LOXHD1: variants seen among roughly 807,000 people sequenced by gnomAD.
LOXHD1 encodes lipoxygenase homology domain-containing protein 1.
A neutral mutation model predicts 248.2 loss-of-function variants in LOXHD1; 205 were observed. The ratio of observed to expected loss-of-function variants is 0.83; its 90% CI spans 0.74 to 0.93. The LOEUF is 0.93. Ranked by LOEUF, LOXHD1 falls within the 40% of genes least tolerant of loss-of-function variation. The pLI is 0.00. For synonymous variants in LOXHD1, 1,113 were observed against 1,162.8 expected, an observed-to-expected ratio of 0.96 and a Z score of 0.87; for missense variants, 2,930 against 2,971.6, an observed-to-expected ratio of 0.99 and a Z score of 0.33.
At chr18:46,559,719 T>C in intron 19 of LOXHD1, 117 bp from the exon 20 acceptor site, 3 of 1,161,008 alleles carry the variant, frequency 2.6e-6, no homozygotes, top group Non-Finnish European at 3.6e-6. Context: ...CAGATGCATC[T>C]ACACTAACCT....
intron 12 of LOXHD1, among the ~76,000 whole-genome samples, chr18:46,585,529 G>T (rs1474961912): frequency 1.3e-5 from 2 of 152,020 alleles, no homozygotes; most frequent in East Asian, 3.8e-4. Flanking sequence ...AAATATTTTT[G>T]AAAGAAAATA....
chr18:46,537,656 C>G (rs1568154972), intron 26 of LOXHD1, among the ~76,000 whole-genome samples: 1 of 152,208 alleles, frequency 6.6e-6, no homozygotes. Context: ...AACAGCACCT[C>G]CATTGTCAAG....
Position 46,560,363 on chromosome 18 carries a change from G to T in LOXHD1, c.2781C>A (p.Leu927=). 1.3e-6 allele frequency: 2 copies of T among 1,552,540 alleles called. No homozygotes were observed. Among genetic ancestry groups the T allele is most frequent in the South Asian group, 1.2e-5 (1 of 84,102 alleles). The change falls in exon 19 of 41, where the codon CTC becomes CTA. Residue 927 remains leucine, a synonymous_variant. Transcript: ENST00000642948. ...GCTTGGCCTTCAGCCGCTCCTTCTTGAGCAGCTGCCGCAGCTTGTCCTTCT... is the reference window on the plus strand; with the variant it reads ...GCTTGGCCTTCAGCCGCTCCTTCTTTAGCAGCTGCCGCAGCTTGTCCTTCT... ...KKEKDKLRQL[L]KKERLKAKLQ...
rs780183483 is a variant in LOXHD1 at position 46,601,403 on chromosome 18, G to C, written c.948C>G (p.Ile316Met). ...DVRGAGTKSKIYLVMYGARGN... is the reference protein window; with the variant it reads ...DVRGAGTKSKMYLVMYGARGN... Reference sequence around the variant, plus strand: ...CTCTGGCCCCATACATGACCAAGTAGATTTTGGATTTGGTACCAGCCCCCC... The same window carrying C: ...CTCTGGCCCCATACATGACCAAGTACATTTTGGATTTGGTACCAGCCCCCC... The change falls in exon 8 of 41, where the codon ATC (isoleucine) becomes ATG (methionine). Residue 316 changes from isoleucine to methionine, a missense_variant. Physicochemically the swap from Ile to Met is conservative, Grantham distance 10. Transcript: ENST00000642948. 1.9e-6 allele frequency: 3 copies of C among 1,551,734 alleles called. No homozygotes were observed. In the South Asian group the frequency reaches 3.6e-5, roughly 18 times the overall value.
At chr18:46,586,693 C>T (rs2038068072) in intron 12 of LOXHD1, among the ~76,000 whole-genome samples, 2 of 152,190 alleles carry the variant, frequency 1.3e-5, no homozygotes, top group Non-Finnish European at 2.9e-5. Context: ...GATGATCCAC[C>T]CATCTTGGAC....
chr18:46,538,008 G>T, intron 26 of LOXHD1, 148 bp downstream of exon 26: 1 of 671,818 alleles, frequency 1.5e-6, no homozygotes, highest in Non-Finnish European at 2.4e-6. Flanking sequence ...ATGTACTGAG[G>T]CCCAGGAAGG....
chr18:46,612,810 A>G (rs2038528106), intron 5 of LOXHD1, among the ~76,000 whole-genome samples: 1 of 152,152 alleles, frequency 6.6e-6, no homozygotes. Context: ...ATTTAATTTT[A>G]TCATTTTTCA....
intron 5 of LOXHD1, among the ~76,000 whole-genome samples, chr18:46,615,827 C>T (rs2144322968): frequency 6.6e-6 from 1 of 152,128 alleles, no homozygotes; most frequent in Admixed American, 6.5e-5. Flanking sequence ...TGCCAAATTC[C>T]TCCAAGAATT....
chr18:46,634,279 A>G (rs554076666), intron 4 of LOXHD1, among the ~76,000 whole-genome samples: 1 of 152,364 alleles, frequency 6.6e-6, no homozygotes, highest in East Asian at 1.9e-4. Flanking sequence ...GTGCCATAGC[A>G]TGGATTAAAT....
At chr18:46,540,789 C>T (rs1192122537) in intron 25 of LOXHD1, among the ~76,000 whole-genome samples, 3 of 150,472 alleles carry the variant, frequency 2.0e-5, no homozygotes, top group Non-Finnish European at 2.9e-5. Flanking sequence ...AGTCTGTCCT[C>T]GCCTGCAGGT....
rs1299634769 is a variant in LOXHD1, at chr18:46,545,332, T to C, written c.3604A>G (p.Thr1202Ala). The C allele has an allele frequency of 1.3e-6, 2 of 1,551,602 alleles. No homozygotes were observed. Among genetic ancestry groups the C allele is most frequent in the East Asian group, 4.9e-5 (2 of 40,926 alleles). Residue 1202 changes from threonine (T) to alanine (A), a missense_variant, in exon 23 of 41, where the codon ACA becomes GCA. Physicochemically the swap from Thr to Ala is moderately conservative, Grantham distance 58 (BLOSUM62 0). Coordinates refer to ENST00000642948, the MANE Select transcript of LOXHD1 (RefSeq NM_001384474.1). ...DANVFITLFG[T>A]QDDTGMTLLK... Reference sequence around the variant, plus strand: ...GCTTTCTTACCAGTGTCATCCTGTGTGCCAAAGAGTGTGATGAAGACATTA... The same window carrying C: ...GCTTTCTTACCAGTGTCATCCTGTGCGCCAAAGAGTGTGATGAAGACATTA...
At chr18:46,601,528 C>A in intron 7 of LOXHD1, 61 bp from the exon 8 acceptor site, 1 of 1,549,868 alleles carries the variant, frequency 6.5e-7, no homozygotes, top group Non-Finnish European at 8.7e-7. Context: ...ATATCCCACC[C>A]CCTCCTCCCC....
intron 28 of LOXHD1, among the ~76,000 whole-genome samples, chr18:46,531,516 T>C (rs1226806539): frequency 3.9e-5 from 6 of 152,168 alleles, no homozygotes; most frequent in African/African-American, 1.4e-4. Flanking sequence ...TCTAGGAGCC[T>C]GTGTCCCAGA....
In LOXHD1 at chr18:46,607,633, A is replaced by G. The variant is rs142807343; in HGVS notation, c.759+3143T>C. Among the ~76,000 whole-genome samples the G allele has an allele frequency of 2.9e-3, 445 of 152,100 alleles. 13 individuals carry two copies. The highest frequency in any genetic ancestry group is 0.026 in the Admixed American group (395 of 15,268). ...AAATGTTTTATGATGAACATGTATT[A>G]GTTTTATAAGAAAAAATAATTAAAA... On this transcript the variant is annotated intron_variant, in intron 6 of 40. Coordinates refer to ENST00000642948, the MANE Select transcript of LOXHD1 (RefSeq NM_001384474.1).
intron 29 of LOXHD1, among the ~76,000 whole-genome samples, chr18:46,525,590 A>G (rs1207604782): frequency 1.3e-5 from 2 of 152,132 alleles, no homozygotes; most frequent in African/African-American, 4.8e-5. Flanking sequence ...TCAAGTGGAC[A>G]TTCCACTCTT....
chr18:46,526,561 A>T lies in LOXHD1; in HGVS notation c.4531-1644T>A, dbSNP rs562647862. On this transcript the variant is annotated intron_variant, in intron 29 of 40. Transcript: ENST00000642948. ...AGAAGAGAGGGTGGGGCATGCTGGA[A>T]ACTGCACTCAGTGGTCTACAGAGGG... is the stretch of plus-strand genomic sequence containing the variant. Among the ~76,000 whole-genome samples, 15 of 152,344 alleles carry T rather than the reference A, an allele frequency of 9.8e-5. No homozygotes were observed. The South Asian group carries it at 3.1e-3, about 32-fold the overall frequency.
intron 5 of LOXHD1, 125 bp from the exon 6 acceptor site, chr18:46,611,049 C>G: frequency 2.7e-6 from 3 of 1,097,318 alleles, no homozygotes; most frequent in Non-Finnish European, 3.9e-6. Context: ...CTCCTGAGAT[C>G]TAAGGGCTCC....
chr18:46,482,932 C>A (rs888673057), intron 40 of LOXHD1, among the ~76,000 whole-genome samples: 4 of 152,210 alleles, frequency 2.6e-5, no homozygotes, highest in African/African-American at 9.7e-5. Flanking sequence ...GGCTCCTTCT[C>A]AGCACCTTTC....
rs114359039 is a variant in LOXHD1 at position 46,647,144 on chromosome 18, G to A, written c.245+2011C>T. On this transcript the variant is annotated intron_variant, in intron 2 of 40. Coordinates refer to ENST00000642948, the MANE Select transcript of LOXHD1 (RefSeq NM_001384474.1). ...ACCCCTGGGGTAATTGGGGAGGGTT[G>A]ATTCCCATCCTCAGGGCTGCCCAGG... is the stretch of plus-strand genomic sequence containing the variant. Among the ~76,000 whole-genome samples the A allele has an allele frequency of 5.1e-3, 770 of 152,328 alleles. 8 individuals are homozygous for A. The highest frequency in any genetic ancestry group is 0.018 in the African/African-American group (741 of 41,572).
Sources: allele counts gnomAD v4.1 joint callset (sites outside exome capture counted in the v4.1 genomes callset), GRCh38; gene constraint gnomAD v4.1.1; transcripts MANE v1.5; gene names NCBI Gene and HGNC (gene_info 2026-07-23, HGNC 2026-07-21).